MAGI2: variants seen among roughly 807,000 people sequenced by gnomAD.
MAGI2 encodes the protein membrane-associated guanylate kinase, WW and PDZ domain-containing protein 2.
A neutral mutation model predicts 133.3 loss-of-function variants in MAGI2; 35 were observed. The ratio of observed to expected loss-of-function variants is 0.26; its 90% CI spans 0.20 to 0.35. The LOEUF (loss-of-function observed/expected upper bound fraction) is 0.35. Among genes scored for constraint, MAGI2 ranks in the 10% least tolerant of loss-of-function variants. The pLI is 1.00. For synonymous variants in MAGI2, 729 were observed against 710.6 expected (o/e 1.03, Z -0.41); for missense variants, 1,636 against 1,863.4 (o/e 0.88, Z 2.25).
intron 5 of MAGI2, among the ~76,000 whole-genome samples, chr7:78,494,837 T>C (rs1270135739): frequency 1.3e-5 from 2 of 152,180 alleles, no homozygotes; most frequent in East Asian, 3.9e-4. Flanking sequence ...GTCCTCCAAA[T>C]AGCCAATTCT....
chr7:79,218,163 T>A (rs1231571727), intron 1 of MAGI2, among the ~76,000 whole-genome samples: 1 of 151,984 alleles, frequency 6.6e-6, no homozygotes, highest in Admixed American at 6.6e-5. Flanking sequence ...GCTGTAAATA[T>A]GTACCTTGAG....
intron 1 of MAGI2, among the ~76,000 whole-genome samples, chr7:79,384,387 C>A (rs1023635914): frequency 1.3e-5 from 2 of 151,466 alleles, no homozygotes; most frequent in East Asian, 3.9e-4. Flanking sequence ...GTTCTGTGAA[C>A]TATTTTTTTA....
At chr7:79,367,004 T>G (rs2129128722) in intron 1 of MAGI2, among the ~76,000 whole-genome samples, 1 of 152,310 alleles carries the variant, frequency 6.6e-6, no homozygotes, top group African/African-American at 2.4e-5. Flanking sequence ...AAATATTCAC[T>G]CCTTCTAGAT....
intron 2 of MAGI2, among the ~76,000 whole-genome samples, chr7:78,917,574 G>C (rs190620260): frequency 9.9e-4 from 151 of 152,154 alleles, no homozygotes; most frequent in Non-Finnish European, 1.0e-3. Context: ...TAATTCTTTT[G>C]AGACCAACTG....
chr7:78,398,556 A>G (rs1231543644), intron 6 of MAGI2, among the ~76,000 whole-genome samples: 4 of 152,128 alleles, frequency 2.6e-5, no homozygotes, highest in African/African-American at 7.2e-5. Flanking sequence ...TTTTCTTTAG[A>G]GAACTTGCAA....
intron 2 of MAGI2, among the ~76,000 whole-genome samples, chr7:78,845,836 G>A (rs190779438): frequency 1.3e-4 from 20 of 152,032 alleles, no homozygotes; most frequent in Admixed American, 1.2e-3. Flanking sequence ...TAGCATTTAA[G>A]CTGACATTTA....
intron 1 of MAGI2, among the ~76,000 whole-genome samples, chr7:79,033,915 C>A (rs1379644190): frequency 6.6e-6 from 1 of 151,976 alleles, no homozygotes; most frequent in Non-Finnish European, 1.5e-5. Flanking sequence ...ACTAACAAAA[C>A]AAACACACCA....
At chr7:79,355,324 CAAACAAACAAAT>C (rs1300645421) in intron 1 of MAGI2, among the ~76,000 whole-genome samples, 1 of 150,094 alleles carries the variant, frequency 6.7e-6, no homozygotes, top group African/African-American at 2.5e-5. Context: ...AATACTGAAA[CAAACAAACAAAT>C]AAACAAACAA....
chr7:78,667,637 A>ATG (rs1563324954), intron 2 of MAGI2, among the ~76,000 whole-genome samples: 4 of 148,580 alleles, frequency 2.7e-5, no homozygotes, highest in Non-Finnish European at 4.4e-5. Flanking sequence ...GAGAACATGC[A>ATG]GTGTTTGGTT....
chr7:79,043,920 T>C (rs1283058589), intron 1 of MAGI2, among the ~76,000 whole-genome samples: 1 of 152,068 alleles, frequency 6.6e-6, no homozygotes, highest in Non-Finnish European at 1.5e-5. Context: ...AGTTGTGAAA[T>C]TGAATCAATA....
At chr7:79,334,488 A>C (rs1840298363) in intron 1 of MAGI2, among the ~76,000 whole-genome samples, 1 of 152,136 alleles carries the variant, frequency 6.6e-6, no homozygotes, top group South Asian at 2.1e-4. Flanking sequence ...AGTTACAACA[A>C]AGCAACATCT....
chr7:78,324,930 T>C (rs191638422), intron 9 of MAGI2, among the ~76,000 whole-genome samples: 152 of 152,238 alleles, frequency 1.0e-3, no homozygotes, highest in Non-Finnish European at 1.8e-3. Flanking sequence ...CGCGCCATTG[T>C]ACTCCAGCCT....
intron 2 of MAGI2, among the ~76,000 whole-genome samples, chr7:78,681,624 T>C (rs1054181297): frequency 6.6e-6 from 1 of 152,128 alleles, no homozygotes; most frequent in Admixed American, 6.6e-5. Flanking sequence ...TATGCTGCCA[T>C]ATACTTGTAG....
At chr7:78,519,810 C>G (rs111972243) in intron 4 of MAGI2, among the ~76,000 whole-genome samples, 4 of 152,216 alleles carry the variant, frequency 2.6e-5, no homozygotes, top group Admixed American at 1.3e-4. Context: ...CATTTTTAAC[C>G]ACAAGATGTT....
chr7:79,028,254 T>TATATAC (rs1810144628), intron 1 of MAGI2, among the ~76,000 whole-genome samples: 5 of 22,104 alleles, frequency 2.3e-4, no homozygotes, highest in Admixed American at 2.0e-3. Flanking sequence ...TATATATATA[T>TATATAC]ATATATATAT....
chr7:79,265,104 T>G (rs1474734911), intron 1 of MAGI2, among the ~76,000 whole-genome samples: 1 of 152,154 alleles, frequency 6.6e-6, no homozygotes, highest in Non-Finnish European at 1.5e-5. Context: ...ATTATTTACC[T>G]GAATTTCCAC....
intron 2 of MAGI2, among the ~76,000 whole-genome samples, chr7:78,751,297 A>G (rs762610113): frequency 9.8e-5 from 15 of 152,362 alleles, no homozygotes; most frequent in Non-Finnish European, 1.9e-4. Context: ...AGGCCAGATC[A>G]ATACACATAT....
At chr7:79,410,401 G>C (rs578232991) in intron 1 of MAGI2, 40 of 152,248 alleles carry the variant, frequency 2.6e-4, no homozygotes, top group South Asian at 1.0e-3. Context: ...CCATCCAACA[G>C]TGTGTTTCAC....
intron 15 of MAGI2, among the ~76,000 whole-genome samples, chr7:78,161,647 C>T (rs536869656): frequency 2.2e-4 from 20 of 90,502 alleles, no homozygotes; most frequent in Non-Finnish European, 3.2e-4. Context: ...CTGCAAGAGA[C>T]GTTTTGTTAC....
Sources: allele counts gnomAD v4.1 joint callset (sites outside exome capture counted in the v4.1 genomes callset), GRCh38; gene constraint gnomAD v4.1.1; transcripts MANE v1.5; gene names NCBI Gene and HGNC (gene_info 2026-07-23, HGNC 2026-07-21).